Variants in PARP4 observed in about 807,000 individuals in gnomAD.
PARP4 encodes poly(ADP-ribose) polymerase family member 4.
A neutral mutation model predicts 187.7 loss-of-function variants in PARP4; 120 were observed. That is an observed-to-expected ratio of 0.64 (90% CI 0.55 to 0.74). The LOEUF (loss-of-function observed/expected upper bound fraction) is 0.74, where lower values mean the gene tolerates loss of function less well. Ranked by LOEUF, PARP4 falls within the 30% of genes least tolerant of loss-of-function variation. The pLI, the probability that PARP4 is intolerant of heterozygous loss-of-function variation, is 0.00. For missense variants in PARP4, 1,836 were observed against 2,070.5 expected (o/e 0.89, Z 2.20); for synonymous variants, 654 against 740.9 (o/e 0.88, Z 1.90).
At chr13:24,492,635 A>G in intron 8 of PARP4, 41 bp from the exon 9 acceptor site, 1 of 1,514,258 alleles carries the variant, frequency 6.6e-7, no homozygotes, top group South Asian at 1.2e-5. Context: ...TGAAATCTCA[A>G]TACAGAAATT....
intron 10 of PARP4, among the ~76,000 whole-genome samples, chr13:24,487,088 C>T (rs182028485): frequency 6.6e-5 from 10 of 150,758 alleles, no homozygotes; most frequent in Non-Finnish European, 8.9e-5. Flanking sequence ...GGTGAAACCT[C>T]GTCCCTACTA....
chr13:24,499,238 C>T, intron 5 of PARP4, 63 bp downstream of exon 5: 1 of 1,467,372 alleles, frequency 6.8e-7, no homozygotes. Flanking sequence ...GGAAAAACAC[C>T]CAGAAGACAT....
At chr13:24,454,624 G>A (rs1039151485) in intron 22 of PARP4, among the ~76,000 whole-genome samples, 1 of 152,140 alleles carries the variant, frequency 6.6e-6, no homozygotes, top group South Asian at 2.1e-4. Flanking sequence ...ACAGACCAAG[G>A]GTTTTGTATT....
At position 24,434,536 on chromosome 13, in the gene PARP4, G is replaced by C; in HGVS notation, c.4605C>G (p.Ser1535Arg). 2 of 1,613,988 alleles carry C rather than the reference G, an allele frequency of 1.2e-6. No individual in the cohort carries two copies. The highest frequency in any genetic ancestry group is 1.7e-6 in the Non-Finnish European group (2 of 1,179,842). Residue 1535 changes from serine (S) to arginine (R), a missense_variant, in exon 31 of 34, where the codon AGC becomes AGG. Physicochemically the swap from Ser to Arg is moderately radical, Grantham distance 110. Coordinates refer to ENST00000381989, the MANE Select transcript of PARP4 (RefSeq NM_006437.4). ...SDELSEVLQD[S>R]CFLQIKCDTK... ...TATCACATTTTATTTGTAAAAAGCAGCTGTCTTGAAGTACTTCTGATAGCT... is the reference window on the plus strand; with the variant it reads ...TATCACATTTTATTTGTAAAAAGCACCTGTCTTGAAGTACTTCTGATAGCT...
At chr13:24,502,043 C>T (rs1000713281) in intron 2 of PARP4, among the ~76,000 whole-genome samples, 3 of 152,160 alleles carry the variant, frequency 2.0e-5, no homozygotes, top group African/African-American at 7.2e-5. Context: ...GCTACGAATG[C>T]ACCATAATTG....
intron 1 of PARP4, among the ~76,000 whole-genome samples, chr13:24,504,307 CTTTTTTTTT>C (rs11434017): frequency 1.1e-5 from 1 of 87,356 alleles, no homozygotes; most frequent in East Asian, 3.6e-4. Flanking sequence ...CATTTAGGTT[CTTTTTTTTT>C]TTTTTTTTTT....
intron 9 of PARP4, among the ~76,000 whole-genome samples, chr13:24,492,177 T>C (rs1868690136): frequency 6.6e-6 from 1 of 152,252 alleles, no homozygotes; most frequent in Non-Finnish European, 1.5e-5. Flanking sequence ...AAAGTTATTT[T>C]ACAAGATAGC....
intron 12 of PARP4, among the ~76,000 whole-genome samples, chr13:24,479,535 T>A (rs1399441346): frequency 2.6e-5 from 4 of 151,844 alleles, no homozygotes; most frequent in African/African-American, 9.7e-5. Flanking sequence ...GGTTTGTGAG[T>A]GCACCAATTG....
At chr13:24,447,434 G>T (rs1972902) in intron 25 of PARP4, among the ~76,000 whole-genome samples, 1 of 152,178 alleles carries the variant, frequency 6.6e-6, no homozygotes, top group African/African-American at 2.4e-5. Flanking sequence ...AATCTTGGCT[G>T]ACTGCAACCT....
chr13:24,486,496 G>A (rs1351677319), intron 10 of PARP4, among the ~76,000 whole-genome samples, 191 bp from the exon 11 acceptor site: 1 of 152,132 alleles, frequency 6.6e-6, no homozygotes, highest in East Asian at 1.9e-4. Context: ...CAAAAATAAG[G>A]ATATGTAGTA....
intron 7 of PARP4, among the ~76,000 whole-genome samples, 177 bp from the exon 8 acceptor site, chr13:24,493,910 A>G (rs567214071): frequency 2.0e-5 from 3 of 151,732 alleles, no homozygotes; most frequent in Non-Finnish European, 4.4e-5. Context: ...GTCTTCCTCC[A>G]TTCTCTCTTC....
intron 30 of PARP4, among the ~76,000 whole-genome samples, chr13:24,438,186 T>C: frequency 6.6e-6 from 1 of 152,242 alleles, no homozygotes; most frequent in East Asian, 1.9e-4. Flanking sequence ...CCAACCTTTA[T>C]GGCAGTGGGG....
intron 33 of PARP4, among the ~76,000 whole-genome samples, chr13:24,422,512 C>A (rs1459811640): frequency 2.0e-5 from 3 of 152,220 alleles, no homozygotes; most frequent in Admixed American, 6.5e-5. Flanking sequence ...CTTGTGCCTA[C>A]ACCCCCATAT....
chr13:24,480,832 A>T (rs747687137), intron 12 of PARP4, among the ~76,000 whole-genome samples: 10 of 152,254 alleles, frequency 6.6e-5, no homozygotes, highest in Non-Finnish European at 1.2e-4. Flanking sequence ...TGAACCAGCC[A>T]GTGCTGATGT....
chr13:24,424,925 T>C (rs111719399), intron 33 of PARP4, among the ~76,000 whole-genome samples: 64,169 of 150,626 alleles, frequency 0.43, 14,382 homozygotes, highest in African/African-American at 0.57. Context: ...CCTCGTGATC[T>C]GCCCACCTCG....
chr13:24,503,967 C>G (rs748181415), intron 1 of PARP4, among the ~76,000 whole-genome samples, 190 bp from the exon 2 acceptor site: 3 of 152,140 alleles, frequency 2.0e-5, no homozygotes, highest in Admixed American at 6.5e-5. Flanking sequence ...GTTTAAGAAT[C>G]GTTTCTAGCT....
At chr13:24,443,855 C>T (rs1182367486) in intron 27 of PARP4, 125 bp from the exon 28 acceptor site, 6 of 675,624 alleles carry the variant, frequency 8.9e-6, no homozygotes, top group African/African-American at 5.3e-5. Context: ...CTTAAATACA[C>T]AGTTTGATGA....
intron 33 of PARP4, among the ~76,000 whole-genome samples, chr13:24,424,802 C>G (rs113094592): frequency 0.43 from 63,641 of 149,626 alleles, 14,319 homozygotes; most frequent in African/African-American, 0.56. Flanking sequence ...CTCCCCAGTA[C>G]CTGGGACTAC....
intron 23 of PARP4, 108 bp downstream of exon 23, chr13:24,453,479 C>T (rs1593607357): frequency 1.7e-6 from 1 of 586,732 alleles, no homozygotes; most frequent in Admixed American, 2.9e-5. Context: ...ACAAAAACCA[C>T]AGGAGTAGGG....
Sources: allele counts gnomAD v4.1 joint callset (sites outside exome capture counted in the v4.1 genomes callset), GRCh38; gene constraint gnomAD v4.1.1; transcripts MANE v1.5; gene names NCBI Gene and HGNC (gene_info 2026-07-23, HGNC 2026-07-21).